Variants in PTPRD observed in about 807,000 individuals in gnomAD.
PTPRD encodes protein tyrosine phosphatase receptor type D.
A neutral mutation model predicts 214.5 loss-of-function variants in PTPRD; 34 were observed. The observed-to-expected ratio is 0.16, with a 90% confidence interval of 0.12 to 0.21. The LOEUF is 0.21. PTPRD is among the 10% of genes least tolerant of loss of function. PTPRD has a pLI of 1.00. For missense variants in PTPRD, 2,545 were observed against 2,398.7 expected (o/e 1.06, Z -1.27); for synonymous variants, 1,128 against 845.7 (o/e 1.33, Z -5.79).
intron 2 of PTPRD, among the ~76,000 whole-genome samples, chr9:10,594,003 C>T (rs1038695331): frequency 5.3e-5 from 8 of 151,844 alleles, no homozygotes; most frequent in Admixed American, 2.0e-4. Context: ...GTTATTAAAA[C>T]GGGAAGTATT....
intron 10 of PTPRD, among the ~76,000 whole-genome samples, chr9:9,108,407 C>A (rs1467971082): frequency 6.6e-6 from 1 of 152,110 alleles, no homozygotes; most frequent in African/African-American, 2.4e-5. Flanking sequence ...GTAGGCTGTG[C>A]TATGCTGCAA....
At chr9:10,102,819 C>A (rs1043191336) in intron 3 of PTPRD, among the ~76,000 whole-genome samples, 1 of 151,612 alleles carries the variant, frequency 6.6e-6, no homozygotes, top group Non-Finnish European at 1.5e-5. Context: ...ATATCAGAAA[C>A]ATTACACTTA....
At chr9:9,995,661 C>T (rs1358276009) in intron 4 of PTPRD, among the ~76,000 whole-genome samples, 1 of 152,098 alleles carries the variant, frequency 6.6e-6, no homozygotes, top group African/African-American at 2.4e-5. Flanking sequence ...GAAGTAACTC[C>T]CTGCTGTTTC....
At chr9:10,343,986 T>TG (rs1332127998) in intron 2 of PTPRD, among the ~76,000 whole-genome samples, 4 of 137,692 alleles carry the variant, frequency 2.9e-5, no homozygotes, top group African/African-American at 1.1e-4. Flanking sequence ...TAGTTTTTTT[T>TG]TTTTTTTTTT....
intron 10 of PTPRD, among the ~76,000 whole-genome samples, chr9:9,175,736 T>A (rs975334310): frequency 6.6e-6 from 1 of 151,988 alleles, no homozygotes; most frequent in Non-Finnish European, 1.5e-5. Context: ...TCCGATTGTA[T>A]TACTCCATAT....
At chr9:9,355,379 G>A (rs1439921571) in intron 9 of PTPRD, among the ~76,000 whole-genome samples, 1 of 47,258 alleles carries the variant, frequency 2.1e-5, no homozygotes, top group African/African-American at 1.4e-4. Flanking sequence ...AGTTTTAGGA[G>A]CGGAGGTGAA....
intron 11 of PTPRD, among the ~76,000 whole-genome samples, chr9:8,738,862 C>T (rs1367876922): frequency 6.6e-6 from 1 of 152,066 alleles, no homozygotes; most frequent in Non-Finnish European, 1.5e-5. Flanking sequence ...ATAACAAACC[C>T]ATCCTCTCAA....
At chr9:9,389,370 C>A (rs906323523) in intron 9 of PTPRD, among the ~76,000 whole-genome samples, 5 of 152,058 alleles carry the variant, frequency 3.3e-5, no homozygotes, top group African/African-American at 1.2e-4. Context: ...ATTAGCCGGG[C>A]GTGGTGGCAC....
chr9:8,474,210 T>C (rs886395116), intron 30 of PTPRD, among the ~76,000 whole-genome samples: 4 of 152,154 alleles, frequency 2.6e-5, no homozygotes, highest in African/African-American at 9.7e-5. Context: ...CCCTTCTTTT[T>C]TGAAGTTCAT....
At chr9:9,725,445 C>T (rs982047285) in intron 7 of PTPRD, among the ~76,000 whole-genome samples, 5 of 151,972 alleles carry the variant, frequency 3.3e-5, no homozygotes, top group African/African-American at 1.2e-4. Context: ...TCTTCCTATT[C>T]TCAGCTTATG....
intron 2 of PTPRD, among the ~76,000 whole-genome samples, chr9:10,498,176 G>C (rs2042655063): frequency 6.6e-6 from 1 of 151,898 alleles, no homozygotes; most frequent in Non-Finnish European, 1.5e-5. Flanking sequence ...AGCAAGACAT[G>C]ACATGCTACC....
intron 7 of PTPRD, among the ~76,000 whole-genome samples, chr9:9,717,723 A>C (rs914549073): frequency 6.6e-6 from 1 of 152,220 alleles, no homozygotes; most frequent in Non-Finnish European, 1.5e-5. Context: ...GGGAATACCA[A>C]GCCAGATTTC....
chr9:10,406,688 T>C (rs1587464637), intron 2 of PTPRD, among the ~76,000 whole-genome samples: 1 of 151,698 alleles, frequency 6.6e-6, no homozygotes, highest in Admixed American at 6.6e-5. Context: ...ACTTTTAGCA[T>C]GTGTATATCA....
intron 8 of PTPRD, among the ~76,000 whole-genome samples, chr9:9,470,371 G>T (rs2094506028): frequency 6.6e-6 from 1 of 152,092 alleles, no homozygotes; most frequent in Non-Finnish European, 1.5e-5. Flanking sequence ...TGATTTCCAA[G>T]ATGTTATATT....
chr9:10,119,702 T>A (rs2098759685), intron 3 of PTPRD, among the ~76,000 whole-genome samples: 1 of 151,966 alleles, frequency 6.6e-6, no homozygotes, highest in Non-Finnish European at 1.5e-5. Context: ...GATGCAAAAC[T>A]GATGTGTTCC....
intron 10 of PTPRD, among the ~76,000 whole-genome samples, chr9:9,141,912 G>C (rs1315047490): frequency 2.0e-5 from 3 of 152,002 alleles, no homozygotes; most frequent in African/African-American, 7.2e-5. Context: ...TAGATTAATA[G>C]TTTTGGCTTT....
chr9:9,165,368 G>A (rs1024951870), intron 10 of PTPRD, among the ~76,000 whole-genome samples: 1 of 152,196 alleles, frequency 6.6e-6, no homozygotes, highest in African/African-American at 2.4e-5. Context: ...TGCCTTCAAA[G>A]AGAATTAGGT....
chr9:8,616,424 C>T (rs1448216743), intron 14 of PTPRD, among the ~76,000 whole-genome samples: 1 of 151,980 alleles, frequency 6.6e-6, no homozygotes, highest in Non-Finnish European at 1.5e-5. Flanking sequence ...TTGATAACTA[C>T]CATGTCTTCA....
Position 10,439,376 on chromosome 9 carries a change from A to G in PTPRD, c.-599-98359T>C, listed in dbSNP as rs57301923. Reference sequence around the variant, plus strand: ...GTGAAAAATCAAGCAAACAAACAAAACCCTACATCTGGATTACTTCTATTA... The same window carrying G: ...GTGAAAAATCAAGCAAACAAACAAAGCCCTACATCTGGATTACTTCTATTA... On this transcript the variant is annotated intron_variant, in intron 2 of 45. Coordinates refer to ENST00000381196, the MANE Select transcript of PTPRD (RefSeq NM_002839.4). 9.5e-3 allele frequency among the ~76,000 whole-genome samples: 1,435 copies of G among 151,752 alleles called. 29 individuals are homozygous for G. Among genetic ancestry groups the G allele is most frequent in the African/African-American group, 0.033 (1,358 of 41,456 alleles).
Sources: allele counts gnomAD v4.1 joint callset (sites outside exome capture counted in the v4.1 genomes callset), GRCh38; gene constraint gnomAD v4.1.1; transcripts MANE v1.5; gene names NCBI Gene and HGNC (gene_info 2026-07-23, HGNC 2026-07-21).